PLXND1: variants seen among roughly 807,000 people sequenced by gnomAD.
The protein encoded by PLXND1 is plexin-D1.
PLXND1 carries 54 observed loss-of-function variants against 197.7 expected under a neutral mutation model. That is an observed-to-expected ratio of 0.27 (90% CI 0.22 to 0.34). PLXND1 has a LOEUF of 0.34. PLXND1 is among the 10% of genes least tolerant of loss of function. The pLI is 1.00. For missense variants in PLXND1, 2,127 were observed against 2,699.2 expected (o/e 0.79, Z 4.70); for synonymous variants, 1,180 against 1,161.2 (o/e 1.02, Z -0.33).
intron 23 of PLXND1, 120 bp from the exon 24 acceptor site, chr3:129,566,137 A>T: frequency 1.0e-6 from 1 of 980,284 alleles, no homozygotes. Context: ...ATTACCTTCC[A>T]CGGTGGATGC....
Position 129,589,516 on chromosome 3 carries a change from C to T in PLXND1, c.1323G>A (p.Glu441=). 6.3e-7 allele frequency: 1 copy of T among 1,588,048 alleles called. No individual in the cohort carries two copies. The highest frequency in any genetic ancestry group is 8.6e-7 in the Non-Finnish European group (1 of 1,168,012). The change falls in exon 2 of 36, where the codon GAG becomes GAA. Residue 441 remains glutamate, a synonymous_variant. Coordinates refer to ENST00000324093, the MANE Select transcript of PLXND1 (RefSeq NM_015103.3). ...GGTGAGCAGCTCCACAGTCCAGCTG[C>T]TCTGGCTGGAGCTGGAAGAGGAACG... is the stretch of plus-strand genomic sequence containing the variant. ...ERKLNIQLQP[E]QLDCGAAHLQ...
intron 5 of PLXND1, 138 bp from the exon 6 acceptor site, chr3:129,584,700 GC>G: frequency 1.4e-6 from 1 of 740,672 alleles, no homozygotes; most frequent in Non-Finnish European, 2.2e-6. Flanking sequence ...AGGACTCAGG[GC>G]CAGAGGGCTA....
chr3:129,574,548 G>A lies in PLXND1; in HGVS notation c.2531-58C>T, dbSNP rs548452355. On this transcript the variant is annotated intron_variant, in intron 11 of 35. Transcript: ENST00000324093. The stretch of plus-strand genomic sequence containing the variant: ...GCTCTGCGGTGCATGCCCCAACACC[G>A]CTGTGCCCTCCACACACAACAACTG... The A allele has an allele frequency of 7.0e-4, 1,069 of 1,529,826 alleles. 2 individuals carry two copies. The highest frequency in any genetic ancestry group is 1.4e-3 in the South Asian group (115 of 83,678). 94.8% of individuals were successfully genotyped at this position (1,529,826 alleles called of 1,614,324 possible). A position where few individuals can be genotyped will look rare whatever the true frequency, so the allele number is the denominator to read the frequency against.
Position 129,577,177 on chromosome 3 carries a change from C to T in PLXND1, c.2346+1152G>A, listed in dbSNP as rs2625961. On this transcript the variant is annotated intron_variant, in intron 9 of 35. Coordinates refer to ENST00000324093, the MANE Select transcript of PLXND1 (RefSeq NM_015103.3). The surrounding 1 kb of genome is among the most constrained non-coding windows in gnomAD (Gnocchi z 5.0). ...CCACCTCAGAACAGCACACCCGGCC[C>T]GTCCCAGAGCTCCCCAGGGTGTAGG... 0.28 allele frequency among the ~76,000 whole-genome samples: 42,648 copies of T among 152,100 alleles called. 6,426 individuals are homozygous for T. The highest frequency in any genetic ancestry group is 0.49 in the East Asian group (2,544 of 5,144).
chr3:129,555,270 C>G lies in PLXND1; in HGVS notation c.*1042G>C, dbSNP rs1417737312. 2 of 476,340 alleles carry G rather than the reference C, an allele frequency of 4.2e-6. No individual in the cohort carries two copies. The highest frequency in any genetic ancestry group is 7.3e-6 in the Non-Finnish European group (2 of 272,968). 29.5% of individuals were successfully genotyped at this position (476,340 alleles called of 1,614,324 possible). A position where few individuals can be genotyped will look rare whatever the true frequency, so the allele number is the denominator to read the frequency against. ...AAGATTCCAGAGTCCCAGCTGCCCCCCTCCAGCCCCCATGGGCTCTGAGCC... is the reference window on the plus strand; with the variant it reads ...AAGATTCCAGAGTCCCAGCTGCCCCGCTCCAGCCCCCATGGGCTCTGAGCC... On this transcript the variant is annotated 3_prime_UTR_variant, in exon 36 of 36. Transcript: ENST00000324093.
At chr3:129,565,204 C>T (rs935053993) in intron 25 of PLXND1, 136 bp downstream of exon 25, 2 of 713,774 alleles carry the variant, frequency 2.8e-6, no homozygotes, top group Non-Finnish European at 4.9e-6. Context: ...CGGGCCTGGC[C>T]TGTCTCATGC....
At chr3:129,572,075 C>G (rs1313778244) in intron 15 of PLXND1, among the ~76,000 whole-genome samples, 1 of 151,594 alleles carries the variant, frequency 6.6e-6, no homozygotes. Flanking sequence ...TCTCCCGCCT[C>G]CAACCCTGGT....
chr3:129,597,154 G>C (rs1232299597), intron 1 of PLXND1, among the ~76,000 whole-genome samples: 5 of 152,250 alleles, frequency 3.3e-5, no homozygotes, highest in Non-Finnish European at 5.9e-5. Context: ...GAGAGTTGAA[G>C]TGATTTGCCC....
chr3:129,573,533 G>A, intron 13 of PLXND1, 61 bp downstream of exon 13: 1 of 1,486,652 alleles, frequency 6.7e-7, no homozygotes, highest in Non-Finnish European at 9.3e-7. Context: ...GAGGAGTGAG[G>A]AGGACAGAGC....
chr3:129,574,244 G>T (rs1048943450), intron 12 of PLXND1, 92 bp downstream of exon 12: 3 of 1,243,386 alleles, frequency 2.4e-6, no homozygotes, highest in Non-Finnish European at 3.3e-6. Flanking sequence ...TGTATGTGCC[G>T]TTTGGGTCCC....
Position 129,572,592 on chromosome 3 carries a change from C to T in PLXND1, c.3077+17G>A. On this transcript the variant is annotated intron_variant, in intron 15 of 35. Transcript: ENST00000324093. ...TTTCTCTGGGCTGGAAGGGATGGGCCAGGCCCAGAGGCTTACATCAGCTCC... is the reference window on the plus strand; with the variant it reads ...TTTCTCTGGGCTGGAAGGGATGGGCTAGGCCCAGAGGCTTACATCAGCTCC... The T allele has an allele frequency of 6.7e-7, 1 of 1,497,046 alleles. No homozygotes were observed. Among genetic ancestry groups the T allele is most frequent in the Non-Finnish European group, 8.9e-7 (1 of 1,123,152 alleles). 92.7% of individuals were successfully genotyped at this position (1,497,046 alleles called of 1,614,324 possible).
Position 129,606,069 on chromosome 3 carries a change from T to C in PLXND1, c.571A>G (p.Thr191Ala). ...NVAANHPNAS[T>A]VGLVLPPAAG... is the part of the protein sequence containing the mutation. ...GCGGGAGGCAGAACTAGCCCCACGG[T>C]GGACGCGTTCGGGTGGTTGGCCGCC... The change falls in exon 1 of 36, where the codon ACC becomes GCC. Residue 191 changes from threonine to alanine, a missense_variant. Coordinates refer to ENST00000324093, the MANE Select transcript of PLXND1 (RefSeq NM_015103.3). The C allele has an allele frequency of 6.4e-7, 1 of 1,572,176 alleles. No homozygotes were observed. Among genetic ancestry groups the C allele is most frequent in the Non-Finnish European group, 8.6e-7 (1 of 1,164,476 alleles).
At chr3:129,574,223 C>T (rs968169757) in intron 12 of PLXND1, 113 bp downstream of exon 12, 42 of 924,640 alleles carry the variant, frequency 4.5e-5, no homozygotes, top group African/African-American at 6.7e-5. Context: ...GATACTGCAC[C>T]CATGTGTCGG....
chr3:129,560,322 G>A lies in PLXND1; in HGVS notation c.5133+8C>T, dbSNP rs202190139. The A allele has an allele frequency of 4.2e-5, 66 of 1,570,692 alleles. No homozygotes were observed. Among genetic ancestry groups the A allele is most frequent in the Admixed American group, 4.0e-4 (24 of 59,938 alleles). On this transcript the variant is annotated splice_region_variant and intron_variant, in intron 31 of 35. Transcript: ENST00000324093. ...ACTGCACAGAGGGGAGACTGAGGCC[G>A]GACTCACCTTGGTGGAGAGCAGGCG...
intron 1 of PLXND1, among the ~76,000 whole-genome samples, chr3:129,592,473 A>G (rs752515681): frequency 6.6e-6 from 1 of 152,234 alleles, no homozygotes; most frequent in Non-Finnish European, 1.5e-5. Context: ...CCCAGATGAC[A>G]CCTTTGGGCA....
intron 2 of PLXND1, 141 bp from the exon 3 acceptor site, chr3:129,586,860 T>A: frequency 1.1e-6 from 1 of 949,690 alleles, no homozygotes. Context: ...GTCACGGGCG[T>A]GCAGGGGAGG....
At chr3:129,599,106 C>T (rs1344446526) in intron 1 of PLXND1, among the ~76,000 whole-genome samples, 2 of 152,214 alleles carry the variant, frequency 1.3e-5, no homozygotes, top group Non-Finnish European at 2.9e-5. Context: ...CACTCTCTCC[C>T]GGGGCTCCTG....
At chr3:129,584,258 G>A (rs1484892071) in intron 6 of PLXND1, 25 bp from the exon 7 acceptor site, 1 of 1,593,880 alleles carries the variant, frequency 6.3e-7, no homozygotes. Context: ...GGAGCCAGGG[G>A]AGGACATGGG....
chr3:129,578,801 G>C (rs1207460140), intron 8 of PLXND1, among the ~76,000 whole-genome samples: 2 of 152,160 alleles, frequency 1.3e-5, no homozygotes, highest in East Asian at 3.9e-4. Flanking sequence ...TAGTAGAACA[G>C]GGGGGCTGCA....
Sources: gnomAD v4.1 joint callset for allele counts (sites outside exome capture counted in the v4.1 genomes callset) on GRCh38, gnomAD v4.1.1 for gene constraint, Gnocchi (gnomAD v3.1) non-coding constraint, MANE v1.5 for transcripts, NCBI Gene and HGNC (gene_info 2026-07-23, HGNC 2026-07-21) for gene names.